The following ABCA5 variants were observed in gnomAD, a reference collection of about 807,000 sequenced individuals.
The protein encoded by ABCA5 is ATP binding cassette subfamily A member 5.
In ABCA5, 163 loss-of-function variants were observed where a neutral mutation model predicts 206.0. The ratio of observed to expected loss-of-function variants is 0.79; its 90% CI spans 0.70 to 0.90. The LOEUF (loss-of-function observed/expected upper bound fraction) is 0.90. ABCA5 is among the 40% of genes least tolerant of loss of function. The pLI, the probability that ABCA5 is intolerant of heterozygous loss-of-function variation, is 0.00. For missense variants in ABCA5, 1,859 were observed against 1,912.9 expected (o/e 0.97, Z 0.53); for synonymous variants, 609 against 613.8 (o/e 0.99, Z 0.11).
At chr17:69,295,858 T>C (rs12450743) in intron 10 of ABCA5, among the ~76,000 whole-genome samples, 60,010 of 151,976 alleles carry the variant, frequency 0.39, 12,714 homozygotes, top group Middle Eastern at 0.51. Context: ...AAAAAAATTT[T>C]CAATATATTT....
At chr17:69,257,489 C>T (rs1398835880) in intron 28 of ABCA5, among the ~76,000 whole-genome samples, 1 of 151,476 alleles carries the variant, frequency 6.6e-6, no homozygotes, top group Non-Finnish European at 1.5e-5. Flanking sequence ...AAAATAGTAT[C>T]AATGGAAAGG....
chr17:69,303,783 AAAATATATATAT>A (rs2075677744), intron 7 of ABCA5, among the ~76,000 whole-genome samples: 1 of 6,184 alleles, frequency 1.6e-4, no homozygotes, highest in African/African-American at 1.8e-4. Context: ...AAAAAAAAAA[AAAATATATATAT>A]ATATATATAT....
chr17:69,313,198 A>G lies in ABCA5; in HGVS notation c.201T>C (p.Asn67=). The G allele has an allele frequency of 6.3e-7, 1 of 1,581,980 alleles. No individual in the cohort carries two copies. Reference sequence around the variant, plus strand: ...TAGAAAGAGTAAACTTGTCCATAGGATTGAGTTCTATATTAGGCACTTCTT... The same window carrying G: ...TAGAAAGAGTAAACTTGTCCATAGGGTTGAGTTCTATATTAGGCACTTCTT... The part of the protein sequence containing the change: ...KYEEVPNIEL[N]PMDKFTLSNL... Residue 67 remains asparagine, a synonymous_variant, in exon 3 of 39, where the codon AAT becomes AAC. Coordinates refer to ENST00000392676, the MANE Select transcript of ABCA5 (RefSeq NM_172232.4).
intron 22 of ABCA5, chr17:69,268,957 A>T (rs1303568738): frequency 6.6e-6 from 1 of 152,240 alleles, no homozygotes; most frequent in African/African-American, 2.4e-5. Flanking sequence ...GCTCAGAAAG[A>T]ACCCACAAAT....
intron 15 of ABCA5, 114 bp downstream of exon 15, chr17:69,287,498 GA>G: frequency 7.4e-7 from 1 of 1,345,276 alleles, no homozygotes; most frequent in Admixed American, 2.6e-5. Flanking sequence ...TTTTGTGAAG[GA>G]AACATACCAC....
intron 1 of ABCA5, chr17:69,315,126 G>C (rs1307106560): frequency 1.3e-5 from 2 of 152,190 alleles, no homozygotes; most frequent in Admixed American, 6.5e-5. Context: ...AATAGAAAGA[G>C]AGCTCAGGAA....
intron 1 of ABCA5, chr17:69,317,135 G>A (rs2075823615): frequency 6.6e-6 from 1 of 152,196 alleles, no homozygotes; most frequent in Non-Finnish European, 1.5e-5. Flanking sequence ...AGTGGCTCAT[G>A]CCTGTATTCC....
chr17:69,291,997 T>C (rs759354381), intron 11 of ABCA5, among the ~76,000 whole-genome samples: 16 of 151,898 alleles, frequency 1.1e-4, no homozygotes, highest in Non-Finnish European at 1.5e-5. Flanking sequence ...TAGTCCCAGC[T>C]ACTCGGAAGG....
At chr17:69,293,180 C>CACACAT (rs1567771373) in intron 11 of ABCA5, among the ~76,000 whole-genome samples, 1 of 151,864 alleles carries the variant, frequency 6.6e-6, no homozygotes, top group African/African-American at 2.4e-5. Context: ...CACACACACA[C>CACACAT]ACAATGGAGC....
At chr17:69,303,807 TACATAC>T (rs1265097466) in intron 7 of ABCA5, among the ~76,000 whole-genome samples, 593 of 5,204 alleles carry the variant, frequency 0.11, 196 homozygotes, top group Middle Eastern at 1. Context: ...TATATATATA[TACATAC>T]ATATATATAT....
At chr17:69,294,775 T>C in intron 10 of ABCA5, 62 bp from the exon 11 acceptor site, 2 of 1,073,430 alleles carry the variant, frequency 1.9e-6, no homozygotes, top group African/African-American at 1.6e-5. Flanking sequence ...TGTGTTTATT[T>C]ACCATGCATA....
At chr17:69,314,543 T>C in intron 1 of ABCA5, 113 bp from the exon 2 acceptor site, 4 of 620,154 alleles carry the variant, frequency 6.5e-6, no homozygotes, top group Non-Finnish European at 1.1e-5. Context: ...GGATTAAGCA[T>C]ACTCCAAGCT....
chr17:69,286,854 T>C (rs1489277751), intron 15 of ABCA5, among the ~76,000 whole-genome samples: 1 of 152,216 alleles, frequency 6.6e-6, no homozygotes, highest in Non-Finnish European at 1.5e-5. Flanking sequence ...TTAAAAGTCA[T>C]GTGTTGACTT....
chr17:69,287,657 G>A lies in ABCA5; in HGVS notation c.1997C>T (p.Thr666Ile), dbSNP rs2144976188. ...ATCCATGAAATGAGTACTGAACACT[G>A]TCACCCGATTGGCTTTTCTGTATTT... Reference protein sequence around the residue: ...LLKYRKANRVTVFSTHFMDEA... With the variant: ...LLKYRKANRVIVFSTHFMDEA... Residue 666 changes from threonine to isoleucine, a missense_variant, in exon 15 of 39, where the codon ACA becomes ATA. Physicochemically the swap from Thr to Ile is moderately conservative, Grantham distance 89. Coordinates refer to ENST00000392676, the MANE Select transcript of ABCA5 (RefSeq NM_172232.4). 4 of 1,613,864 alleles carry A rather than the reference G, an allele frequency of 2.5e-6. No individual in the cohort carries two copies. Among genetic ancestry groups the A allele is most frequent in the Non-Finnish European group, 3.4e-6 (4 of 1,179,860 alleles).
rs781673819 is a variant in ABCA5 at position 69,306,740 on chromosome 17, T to C, written c.773A>G (p.His258Arg). The stretch of plus-strand genomic sequence containing the variant: ...AATAACATACCAAAAGGCAGTATCA[T>C]GAAGTCCCATTATCTTTAAAAATTC... ...IKEFLKIMGL[H>R]DTAFWLSWVL... Residue 258 changes from histidine to arginine, a missense_variant, in exon 6 of 39, where the codon CAT (histidine) becomes CGT (arginine). By Grantham distance (29) the His-to-Arg change is conservative (BLOSUM62 0). Coordinates refer to ENST00000392676, the MANE Select transcript of ABCA5 (RefSeq NM_172232.4). 3 of 1,488,504 alleles carry C rather than the reference T, an allele frequency of 2.0e-6. No individual in the cohort carries two copies. The highest frequency in any genetic ancestry group is 4.9e-5 in the East Asian group (2 of 40,818). 92.2% of individuals were successfully genotyped at this position (1,488,504 alleles called of 1,614,324 possible). A position where few individuals can be genotyped will look rare whatever the true frequency, so the allele number is the denominator to read the frequency against.
chr17:69,322,663 T>A (rs1426567691), intron 1 of ABCA5, among the ~76,000 whole-genome samples: 2 of 151,772 alleles, frequency 1.3e-5, no homozygotes, highest in African/African-American at 4.8e-5. Context: ...ACTTATCTAA[T>A]GATACCATTA....
intron 7 of ABCA5, among the ~76,000 whole-genome samples, chr17:69,303,645 C>A (rs1284047416): frequency 7.3e-6 from 1 of 137,768 alleles, no homozygotes; most frequent in Non-Finnish European, 1.6e-5. Context: ...AACCAGAAGG[C>A]CTGCTGCAGT....
chr17:69,259,221 A>C (rs775237666), intron 28 of ABCA5, among the ~76,000 whole-genome samples: 1 of 152,058 alleles, frequency 6.6e-6, no homozygotes, highest in Non-Finnish European at 1.5e-5. Flanking sequence ...GATATATAAA[A>C]AGTGCTACAC....
intron 28 of ABCA5, among the ~76,000 whole-genome samples, 173 bp from the exon 29 acceptor site, chr17:69,256,456 C>CTTT (rs563994135): frequency 7.3e-6 from 1 of 137,858 alleles, no homozygotes; most frequent in East Asian, 2.1e-4. Context: ...TTCTTTCTTT[C>CTTT]TTTTTTTTTT....
Sources: allele counts gnomAD v4.1 joint callset (sites outside exome capture counted in the v4.1 genomes callset), GRCh38; gene constraint gnomAD v4.1.1; transcripts MANE v1.5; gene names NCBI Gene and HGNC (gene_info 2026-07-23, HGNC 2026-07-21).